Variants in LARGE1 observed in about 807,000 individuals in gnomAD.
LARGE1 encodes the protein LARGE xylosyl- and glucuronyltransferase 1, also known as xylosyl- and glucuronyltransferase LARGE1.
In LARGE1, 43 loss-of-function variants were observed where a neutral mutation model predicts 87.6. The observed-to-expected ratio is 0.49, with a 90% CI of 0.38 to 0.63. The LOEUF (loss-of-function observed/expected upper bound fraction) is 0.63, where lower values mean the gene tolerates loss of function less well. Among genes scored for constraint, LARGE1 ranks in the 30% least tolerant of loss-of-function variants. The pLI is 0.00. For missense variants in LARGE1, 802 were observed against 1,000.2 expected (o/e 0.80, Z 2.67); for synonymous variants, 434 against 394.6 (o/e 1.10, Z -1.18).
intron 2 of LARGE1, 85 bp from the exon 3 acceptor site, chr22:33,650,753 A>G: frequency 6.9e-7 from 1 of 1,451,800 alleles, no homozygotes; most frequent in Admixed American, 1.8e-5. Context: ...CCCTTACTAC[A>G]TGGCGAGGCT....
chr22:33,577,558 C>G (rs1894449), intron 5 of LARGE1, among the ~76,000 whole-genome samples: 35,553 of 152,156 alleles, frequency 0.23, 4,746 homozygotes, highest in East Asian at 0.35. Context: ...TCCACTCTTA[C>G]CTCCGCCTTC....
chr22:33,166,828 C>G (rs1352167306), exon 12 of LARGE1: 3 of 471,280 alleles, frequency 6.4e-6, no homozygotes, highest in African/African-American at 6.0e-5. Context: ...TGGCTAAAAT[C>G]AAAGCTAGAA....
At chr22:33,397,971 C>A (rs929290353) in intron 7 of LARGE1, among the ~76,000 whole-genome samples, 3 of 152,128 alleles carry the variant, frequency 2.0e-5, no homozygotes, top group African/African-American at 7.2e-5. Flanking sequence ...TTCTTTTGCT[C>A]ATTTTTCTAT....
chr22:33,307,799 T>C (rs566730449), intron 11 of LARGE1, among the ~76,000 whole-genome samples: 1 of 151,780 alleles, frequency 6.6e-6, no homozygotes, highest in African/African-American at 2.4e-5. Flanking sequence ...AGACAGAGTC[T>C]CACTCTGTTG....
At chr22:33,178,753 C>A (rs1007693770) in intron 11 of LARGE1, among the ~76,000 whole-genome samples, 1 of 152,084 alleles carries the variant, frequency 6.6e-6, no homozygotes, top group Non-Finnish European at 1.5e-5. Context: ...AGTACTAATG[C>A]TGAAACCATA....
rs146453252 is a variant in LARGE1, at chr22:33,717,887, G to C, written c.106+43484C>G. Among the ~76,000 whole-genome samples the C allele has an allele frequency of 9.9e-4, 151 of 152,272 alleles. 1 individual carries two copies. The East Asian group carries it at 0.019, about 19-fold the overall frequency. Reference sequence around the variant, plus strand: ...ACTCCTACTCCAGGCCTCTGTGCCAGGCCTGCCCAGACCAGTCACCACTCA... The same window carrying C: ...ACTCCTACTCCAGGCCTCTGTGCCACGCCTGCCCAGACCAGTCACCACTCA... On this transcript the variant is annotated intron_variant, in intron 2 of 14. Coordinates refer to ENST00000397394, the MANE Select transcript of LARGE1 (RefSeq NM_133642.5).
chr22:33,763,465 G>T (rs978386377), intron 1 of LARGE1, among the ~76,000 whole-genome samples: 2 of 152,122 alleles, frequency 1.3e-5, no homozygotes, highest in African/African-American at 4.8e-5. Context: ...GTCCCCTCTA[G>T]GGAATGTTCA....
At chr22:33,904,132 C>T (rs1246433238) in intron 1 of LARGE1, among the ~76,000 whole-genome samples, 1 of 152,144 alleles carries the variant, frequency 6.6e-6, no homozygotes, top group Non-Finnish European at 1.5e-5. Context: ...CTGACTTCCT[C>T]CTACCAGCTC....
chr22:33,467,539 T>C (rs2148069343), intron 6 of LARGE1, among the ~76,000 whole-genome samples: 1 of 152,330 alleles, frequency 6.6e-6, no homozygotes, highest in Non-Finnish European at 1.5e-5. Context: ...GTAGATGTGT[T>C]GATGTTACCG....
the LARGE1 span, among the ~76,000 whole-genome samples, chr22:33,082,942 G>A: frequency 6.6e-6 from 1 of 152,048 alleles, no homozygotes; most frequent in Non-Finnish European, 1.5e-5. Flanking sequence ...GGAGAATGGT[G>A]TGAACCCGGG....
intron 6 of LARGE1, among the ~76,000 whole-genome samples, chr22:33,560,972 G>A (rs1368400915): frequency 4.6e-5 from 7 of 151,998 alleles, no homozygotes; most frequent in East Asian, 1.9e-4. Context: ...CCGCCACCAC[G>A]CCCAGCTAAT....
chr22:33,093,783 G>A, the LARGE1 span, among the ~76,000 whole-genome samples: 2 of 150,672 alleles, frequency 1.3e-5, no homozygotes, highest in African/African-American at 4.9e-5. Flanking sequence ...GCTGATGGGA[G>A]TGGTCAGAAA....
At chr22:33,745,052 G>T (rs998045223) in intron 2 of LARGE1, among the ~76,000 whole-genome samples, 1 of 152,196 alleles carries the variant, frequency 6.6e-6, no homozygotes, top group Admixed American at 6.5e-5. Context: ...ACTAAGGACC[G>T]AGGGAAGGAA....
Position 33,439,977 on chromosome 22 carries a change from C to T in LARGE1, c.788-7712G>A, listed in dbSNP as rs533521342. 1.1e-4 allele frequency among the ~76,000 whole-genome samples: 16 copies of T among 152,284 alleles called. No homozygotes were observed. In the South Asian group the frequency reaches 3.3e-3, roughly 32 times the overall value. ...TATGGAGTGTTTCTCAAATTCATCCCTTCCCTTGCTCTACCATGCTCTCCT... is the reference window on the plus strand; with the variant it reads ...TATGGAGTGTTTCTCAAATTCATCCTTTCCCTTGCTCTACCATGCTCTCCT... On this transcript the variant is annotated intron_variant, in intron 6 of 14. Coordinates refer to ENST00000397394, the MANE Select transcript of LARGE1 (RefSeq NM_133642.5).
At chr22:33,823,337 G>A (rs957670323) in intron 1 of LARGE1, among the ~76,000 whole-genome samples, 6 of 152,168 alleles carry the variant, frequency 3.9e-5, no homozygotes, top group African/African-American at 1.2e-4. Flanking sequence ...TTCCTTGCCT[G>A]TGTAATAAGC....
downstream of LARGE1, among the ~76,000 whole-genome samples, chr22:33,270,529 GTTT>G (rs1459021947): frequency 6.6e-6 from 1 of 152,164 alleles, no homozygotes; most frequent in Non-Finnish European, 1.5e-5. Context: ...CTGGGAGCTA[GTTT>G]TATTAGCTAA....
intron 2 of LARGE1, among the ~76,000 whole-genome samples, chr22:33,677,858 C>A (rs2081629044): frequency 6.6e-6 from 1 of 152,196 alleles, no homozygotes; most frequent in African/African-American, 2.4e-5. Context: ...GTTATAGGTA[C>A]AATCTTAGTC....
At chr22:33,491,685 T>G (rs1353659451) in intron 6 of LARGE1, among the ~76,000 whole-genome samples, 2 of 152,212 alleles carry the variant, frequency 1.3e-5, no homozygotes, top group African/African-American at 4.8e-5. Context: ...TGGAACTTAA[T>G]CATAAGTCGA....
At chr22:33,538,690 C>T (rs1276509159) in intron 6 of LARGE1, among the ~76,000 whole-genome samples, 1 of 152,096 alleles carries the variant, frequency 6.6e-6, no homozygotes, top group Non-Finnish European at 1.5e-5. Context: ...CACGTGGCAG[C>T]CACCATGCTT....
Sources: gnomAD v4.1 joint callset for allele counts (sites outside exome capture counted in the v4.1 genomes callset) on GRCh38, gnomAD v4.1.1 for gene constraint, MANE v1.5 for transcripts, NCBI Gene and HGNC (gene_info 2026-07-23, HGNC 2026-07-21) for gene names.